The following CPNE4 variants were observed in gnomAD, a reference collection of about 807,000 sequenced individuals.
CPNE4 encodes copine-4.
A neutral mutation model predicts 67.9 loss-of-function variants in CPNE4; 25 were observed. The observed-to-expected ratio is 0.37, with a 90% confidence interval of 0.27 to 0.51. The LOEUF is 0.51. Among genes scored for constraint, CPNE4 ranks in the 20% least tolerant of loss-of-function variants. The pLI is 0.93. For synonymous variants in CPNE4, 242 were observed against 244.9 expected, an observed-to-expected ratio of 0.99 and a Z score of 0.11; for missense variants, 464 against 690.8, an observed-to-expected ratio of 0.67 and a Z score of 3.68.
chr3:131,899,252 G>A (rs1219470178), intron 2 of CPNE4, among the ~76,000 whole-genome samples: 4 of 152,058 alleles, frequency 2.6e-5, no homozygotes, highest in Non-Finnish European at 4.4e-5. Context: ...TGGCTAGCAG[G>A]AGGCACAAGC....
At chr3:131,624,168 TG>T (rs1459585293) in intron 7 of CPNE4, among the ~76,000 whole-genome samples, 1 of 152,238 alleles carries the variant, frequency 6.6e-6, no homozygotes, top group Non-Finnish European at 1.5e-5. Flanking sequence ...CTGGGTTTTC[TG>T]AGTCTGACTT....
At chr3:132,017,273 G>A (rs754635458) in intron 1 of CPNE4, among the ~76,000 whole-genome samples, 8 of 151,984 alleles carry the variant, frequency 5.3e-5, no homozygotes, top group Non-Finnish European at 1.2e-4. Context: ...AAGTGGAGAC[G>A]AGAAGGGAGG....
At chr3:131,759,405 T>C (rs1188141011) in intron 2 of CPNE4, among the ~76,000 whole-genome samples, 1 of 152,192 alleles carries the variant, frequency 6.6e-6, no homozygotes, top group Non-Finnish European at 1.5e-5. Context: ...TCTATTCTTT[T>C]ATTTACTGTG....
chr3:131,923,434 G>T (rs1266013313), intron 1 of CPNE4, among the ~76,000 whole-genome samples: 1 of 152,186 alleles, frequency 6.6e-6, no homozygotes, highest in Non-Finnish European at 1.5e-5. Context: ...GCTGGGCGCA[G>T]TGGCTCACGC....
intron 2 of CPNE4, among the ~76,000 whole-genome samples, chr3:131,733,061 A>AT (rs2082163160): frequency 6.6e-6 from 1 of 152,244 alleles, no homozygotes. Context: ...ACAACTATAT[A>AT]TTATGACTTA....
rs773691313 is a variant in CPNE4 at position 131,685,905 on chromosome 3, A to G, written c.561T>C (p.Asp187=). The stretch of plus-strand genomic sequence containing the variant: ...TTCGGTGCACCAGCTGCTGAGTTGC[A>G]TCATCATTCATACGAAAAATTTCCA... ...PFLEIFRMND[D]ATQQLVHRTE... Residue 187 remains aspartate, a synonymous_variant, in exon 6 of 16, where the codon GAT becomes GAC. Coordinates refer to ENST00000429747, the MANE Select transcript of CPNE4 (RefSeq NM_130808.3). 21 of 1,613,476 alleles carry G rather than the reference A, an allele frequency of 1.3e-5. No homozygotes were observed. The highest frequency in any genetic ancestry group is 5.0e-5 in the Admixed American group (3 of 59,990).
intron 2 of CPNE4, among the ~76,000 whole-genome samples, chr3:131,782,398 T>G (rs1184555513): frequency 6.6e-6 from 1 of 152,144 alleles, no homozygotes; most frequent in Non-Finnish European, 1.5e-5. Flanking sequence ...AATAATTTCT[T>G]ACCTTTGCAC....
chr3:131,984,481 TC>T (rs1165681073), intron 1 of CPNE4, among the ~76,000 whole-genome samples: 1 of 152,118 alleles, frequency 6.6e-6, no homozygotes, highest in Non-Finnish European at 1.5e-5. Flanking sequence ...TTAACTCTTC[TC>T]CCCCACCTCT....
At chr3:131,896,134 G>A (rs1006978588) in intron 2 of CPNE4, among the ~76,000 whole-genome samples, 1 of 151,862 alleles carries the variant, frequency 6.6e-6, no homozygotes, top group Admixed American at 6.6e-5. Flanking sequence ...GCAAAGCTTT[G>A]AAAATTCATA....
At chr3:131,875,461 G>A (rs1472840775) in intron 2 of CPNE4, among the ~76,000 whole-genome samples, 1 of 152,102 alleles carries the variant, frequency 6.6e-6, no homozygotes, top group African/African-American at 2.4e-5. Context: ...ACTGGATTAA[G>A]AAAATGTGGC....
At chr3:131,646,877 T>C (rs2079681631) in intron 7 of CPNE4, among the ~76,000 whole-genome samples, 1 of 152,228 alleles carries the variant, frequency 6.6e-6, no homozygotes, top group East Asian at 1.9e-4. Context: ...CTGGGCTCTG[T>C]TGCTGCTAGG....
At chr3:131,709,915 C>T (rs191750373) in intron 3 of CPNE4, among the ~76,000 whole-genome samples, 2 of 152,338 alleles carry the variant, frequency 1.3e-5, no homozygotes, top group East Asian at 3.9e-4. Flanking sequence ...CCTAAATTAG[C>T]ACCCAGTCCT....
At chr3:132,035,587 A>T (rs935767050), upstream of CPNE4, 27 of 152,348 alleles carry the variant, frequency 1.8e-4, no homozygotes, top group Admixed American at 1.3e-3. Context: ...AAAGATAGAT[A>T]TAAATATGCT....
At chr3:131,704,889 A>G (rs895560755) in intron 3 of CPNE4, among the ~76,000 whole-genome samples, 1 of 152,136 alleles carries the variant, frequency 6.6e-6, no homozygotes, top group Non-Finnish European at 1.5e-5. Flanking sequence ...CCCCAGAGTC[A>G]CTGTATTTGG....
intron 1 of CPNE4, among the ~76,000 whole-genome samples, chr3:131,996,994 C>A (rs2073311450): frequency 6.6e-6 from 1 of 151,994 alleles, no homozygotes. Flanking sequence ...AATAATATAA[C>A]AACAGGCCTG....
At chr3:131,751,847 C>T (rs960612699) in intron 2 of CPNE4, among the ~76,000 whole-genome samples, 1 of 151,186 alleles carries the variant, frequency 6.6e-6, no homozygotes, top group African/African-American at 2.4e-5. Context: ...CTCATTACTA[C>T]AGGTGAAGAT....
At chr3:132,023,477 GC>G in intron 1 of CPNE4, among the ~76,000 whole-genome samples, 2 of 135,874 alleles carry the variant, frequency 1.5e-5, no homozygotes, top group African/African-American at 5.6e-5. Flanking sequence ...AAGCAGATCA[GC>G]CTTTTTTTTT....
At position 131,723,624 on chromosome 3, in the gene CPNE4, A is replaced by G; in HGVS notation, c.182T>C (p.Val61Ala). Residue 61 changes from valine to alanine, a missense_variant and splice_region_variant, in exon 3 of 16, where the codon GTT (valine) becomes GCT (alanine). Physicochemically the swap from Val to Ala is moderately conservative, Grantham distance 64 (BLOSUM62 0). Transcript: ENST00000429747. ...KMQSHGQWFE[V>A]DRTEVIRTCI... The stretch of plus-strand genomic sequence containing the variant: ...GGTGCGAATCACCTCAGTCCTGTCA[A>G]CCTGCAAGGAGAAAGAGAAAACCTA... 6.2e-7 allele frequency: 1 copy of G among 1,608,334 alleles called. No individual in the cohort carries two copies. The highest frequency in any genetic ancestry group is 8.5e-7 in the Non-Finnish European group (1 of 1,176,764).
At chr3:131,795,951 G>A (rs189822446) in intron 2 of CPNE4, among the ~76,000 whole-genome samples, 13 of 152,304 alleles carry the variant, frequency 8.5e-5, no homozygotes, top group African/African-American at 3.1e-4. Context: ...TGGCCACCAT[G>A]CAGGTTGCAA....
Sources: gnomAD v4.1 joint callset for allele counts (sites outside exome capture counted in the v4.1 genomes callset) on GRCh38, gnomAD v4.1.1 for gene constraint, MANE v1.5 for transcripts, NCBI Gene and HGNC (gene_info 2026-07-23, HGNC 2026-07-21) for gene names.